Variants in TGFA observed in about 807,000 individuals in gnomAD.
TGFA encodes the protein transforming growth factor alpha.
A neutral mutation model predicts 21.7 loss-of-function variants in TGFA; 12 were observed. That is an observed-to-expected ratio of 0.55 (90% CI 0.35 to 0.90). The LOEUF is 0.90. Ranked by LOEUF, TGFA falls within the 40% of genes least tolerant of loss-of-function variation. The pLI, the probability that TGFA is intolerant of heterozygous loss-of-function variation, is 0.01. For synonymous variants in TGFA, 79 were observed against 88.1 expected (o/e 0.90, Z 0.58); for missense variants, 178 against 210.8 (o/e 0.84, Z 0.96).
At chr2:70,473,183 G>C (rs76618761) in intron 2 of TGFA, among the ~76,000 whole-genome samples, 9,019 of 152,230 alleles carry the variant, frequency 0.059, 327 homozygotes, top group Middle Eastern at 0.13. Context: ...AGCAGGCCCA[G>C]TTTACAAGGG....
At position 70,470,000 on chromosome 2, in the gene TGFA, T is replaced by A. The variant is rs556065866; in HGVS notation, c.95-4264A>T. ...GGTGGTGTTATAAAAATAGGTACCA[T>A]AAAAAGGCAATGCAAACGAGAAACA... is the stretch of plus-strand genomic sequence containing the variant. On this transcript the variant is annotated intron_variant, in intron 2 of 5. Coordinates refer to ENST00000295400, the MANE Select transcript of TGFA (RefSeq NM_003236.4). Among the ~76,000 whole-genome samples, 6 of 151,666 alleles carry A rather than the reference T, an allele frequency of 4.0e-5. No individual in the cohort carries two copies. In the East Asian group the frequency reaches 9.7e-4, roughly 24 times the overall value.
intron 2 of TGFA, among the ~76,000 whole-genome samples, chr2:70,506,648 G>A (rs1172815479): frequency 6.6e-6 from 1 of 152,212 alleles, no homozygotes; most frequent in Non-Finnish European, 1.5e-5. Context: ...AGTAGCTGCC[G>A]TGTATACAAA....
At chr2:70,504,453 T>TAC (rs1242243170) in intron 2 of TGFA, among the ~76,000 whole-genome samples, 2 of 75,206 alleles carry the variant, frequency 2.7e-5, no homozygotes, top group African/African-American at 1.7e-4. Flanking sequence ...TATATATATA[T>TAC]ATATATATAT....
In TGFA at chr2:70,450,601, T is replaced by G; in HGVS notation, c.*258A>C. ...CACACCTCACCTAGGTGAACAGGAG[T>G]CCGTCTCTTTGCAGTTCTTTTTTAA... On this transcript the variant is annotated 3_prime_UTR_variant, in exon 6 of 6. Transcript: ENST00000295400. 2.0e-6 allele frequency: 1 copy of G among 497,544 alleles called. No homozygotes were observed. Among genetic ancestry groups the G allele is most frequent in the Non-Finnish European group, 3.6e-6 (1 of 274,282 alleles). The allele number at this position is 497,544 out of a possible 1,614,324, so 30.8% of individuals were successfully genotyped here.
At position 70,504,479 on chromosome 2, in the gene TGFA, TACATAC is replaced by T. The variant is rs1340479705; in HGVS notation, c.94+10374_94+10379del. 8.6e-4 allele frequency among the ~76,000 whole-genome samples: 75 copies of T among 87,278 alleles called. 1 individual carries two copies. The highest frequency in any genetic ancestry group is 3.7e-3 in the African/African-American group (68 of 18,388). 57.3% of individuals were successfully genotyped at this position (87,278 alleles called of 152,430 possible). ...ATATATATATACACACATACATACA[TACATAC>T]ACACACACACACACACACACACACA... On this transcript the variant is annotated intron_variant, in intron 2 of 5. Coordinates refer to ENST00000295400, the MANE Select transcript of TGFA (RefSeq NM_003236.4).
intron 2 of TGFA, among the ~76,000 whole-genome samples, chr2:70,497,676 AG>A (rs1398395500): frequency 2.4e-4 from 37 of 152,198 alleles, no homozygotes; most frequent in African/African-American, 8.7e-4. Context: ...AGTGGCCTCC[AG>A]GTTTTGAAAA....
chr2:70,453,059 C>T (rs142909020), intron 5 of TGFA, among the ~76,000 whole-genome samples, 159 bp downstream of exon 5: 84 of 149,252 alleles, frequency 5.6e-4, no homozygotes, highest in African/African-American at 2.0e-3. Flanking sequence ...AAGTAAAAGG[C>T]ACCTATGAAT....
chr2:70,515,846 C>G (rs1357299978), intron 1 of TGFA, among the ~76,000 whole-genome samples: 7 of 152,160 alleles, frequency 4.6e-5, no homozygotes, highest in Non-Finnish European at 7.4e-5. Context: ...AGCCTCTAAG[C>G]CCCCAGTGCA....
chr2:70,514,762 G>A, intron 2 of TGFA, 97 bp downstream of exon 2: 1 of 1,306,768 alleles, frequency 7.7e-7, no homozygotes, highest in Non-Finnish European at 1.1e-6. Context: ...GTGCTCGGTG[G>A]GCAGGAGGCC....
chr2:70,510,832 T>C (rs1225039739), intron 2 of TGFA, among the ~76,000 whole-genome samples: 3 of 151,876 alleles, frequency 2.0e-5, no homozygotes, highest in Non-Finnish European at 4.4e-5. Context: ...ACACAGAACT[T>C]TTTTTTTCCC....
At chr2:70,474,194 C>T (rs1486015330) in intron 2 of TGFA, among the ~76,000 whole-genome samples, 3 of 152,196 alleles carry the variant, frequency 2.0e-5, no homozygotes, top group Non-Finnish European at 4.4e-5. Flanking sequence ...CAAAAGCACC[C>T]TGTGGGGTTA....
chr2:70,530,047 G>T (rs1553503555), intron 1 of TGFA, among the ~76,000 whole-genome samples: 1 of 152,066 alleles, frequency 6.6e-6, no homozygotes, highest in East Asian at 1.9e-4. Flanking sequence ...TACTTCCTAG[G>T]CTATGTTCAA....
At chr2:70,465,093 C>CTCCA (rs1670512052) in intron 3 of TGFA, among the ~76,000 whole-genome samples, 2 of 152,180 alleles carry the variant, frequency 1.3e-5, no homozygotes, top group Admixed American at 6.5e-5. Flanking sequence ...GGTGTGGAGA[C>CTCCA]CACCATGCAT....
chr2:70,487,293 A>C lies in TGFA; in HGVS notation c.95-21557T>G, dbSNP rs529566091. ...TCATGAACACTTCCCCAACTCAATT[A>C]AGTATTATGCTACAGGTTGAGTATT... On this transcript the variant is annotated intron_variant, in intron 2 of 5. Coordinates refer to ENST00000295400, the MANE Select transcript of TGFA (RefSeq NM_003236.4). Among the ~76,000 whole-genome samples, 52 of 152,304 alleles carry C rather than the reference A, an allele frequency of 3.4e-4. 1 individual carries two copies. The highest frequency in any genetic ancestry group is 7.4e-5 in the Non-Finnish European group (5 of 68,016).
rs148264114 is a variant in TGFA, at chr2:70,526,759, G to T, written c.41-11847C>A. 1.5e-3 allele frequency among the ~76,000 whole-genome samples: 229 copies of T among 152,206 alleles called. 1 individual carries two copies. The highest frequency in any genetic ancestry group is 5.3e-3 in the African/African-American group (221 of 41,540). On this transcript the variant is annotated intron_variant, in intron 1 of 5. Transcript: ENST00000295400. The stretch of plus-strand genomic sequence containing the variant: ...TTTGCTGGGGAAAGGGTGGTGATGA[G>T]AAGCAAAAAGGAGGGAGAGGGAAAA...
rs146624337 is a variant in TGFA at position 70,497,937 on chromosome 2, A to G, written c.94+16922T>C. Among the ~76,000 whole-genome samples, 401 of 152,358 alleles carry G rather than the reference A, an allele frequency of 2.6e-3. 1 individual carries two copies. The highest frequency in any genetic ancestry group is 8.8e-3 in the African/African-American group (365 of 41,574). The stretch of plus-strand genomic sequence containing the variant: ...TTCTGCCTTGAAAATTGTTAGATAC[A>G]AGAGGAAAAATAACTAAAAACAGCT... On this transcript the variant is annotated intron_variant, in intron 2 of 5. Coordinates refer to ENST00000295400, the MANE Select transcript of TGFA (RefSeq NM_003236.4).
intron 1 of TGFA, among the ~76,000 whole-genome samples, chr2:70,526,368 A>T (rs1261152341): frequency 3.9e-5 from 6 of 152,310 alleles, no homozygotes; most frequent in South Asian, 2.1e-4. Context: ...GAAGAAACAC[A>T]CGGGGATGAT....
intron 1 of TGFA, among the ~76,000 whole-genome samples, chr2:70,522,193 C>A (rs1175404466): frequency 6.6e-6 from 1 of 152,146 alleles, no homozygotes; most frequent in African/African-American, 2.4e-5. Flanking sequence ...TTATGTTGAA[C>A]TGAATTTCTC....
At chr2:70,484,747 C>T (rs1442710890) in intron 2 of TGFA, among the ~76,000 whole-genome samples, 2 of 152,176 alleles carry the variant, frequency 1.3e-5, no homozygotes, top group Non-Finnish European at 2.9e-5. Context: ...TGATTCCTGG[C>T]TTCCTGGAGT....
Sources: gnomAD v4.1 joint callset for allele counts (sites outside exome capture counted in the v4.1 genomes callset) on GRCh38, gnomAD v4.1.1 for gene constraint, MANE v1.5 for transcripts, NCBI Gene and HGNC (gene_info 2026-07-23, HGNC 2026-07-21) for gene names.